Variants in CRKL observed in about 807,000 individuals in gnomAD.
CRKL encodes CRK like proto-oncogene, adaptor protein, also known as crk-like protein.
Under a neutral mutation model 23.0 loss-of-function variants are expected in CRKL, and 3 were observed. The ratio of observed to expected loss-of-function variants is 0.13; its 90% CI spans 0.06 to 0.34. The LOEUF is 0.34. Among genes scored for constraint, CRKL ranks in the 10% least tolerant of loss-of-function variants. CRKL has a pLI of 1.00. For synonymous variants in CRKL, 188 were observed against 160.7 expected, an observed-to-expected ratio of 1.17 and a Z score of -1.28; for missense variants, 256 against 394.5, an observed-to-expected ratio of 0.65 and a Z score of 2.97.
intron 2 of CRKL, among the ~76,000 whole-genome samples, chr22:20,939,796 T>G (rs1036313894): frequency 7.3e-5 from 11 of 151,592 alleles, no homozygotes; most frequent in African/African-American, 2.7e-4. Context: ...ATCCTTTTTT[T>G]TTTTTTTTTG....
In CRKL at chr22:20,930,709, T is replaced by G. The variant is rs1194081603; in HGVS notation, c.312-3070T>G. ...TTTTTTTTTTTTTTTTTTTTTTTTTTGAGATAGAGTCTTAACTGTTTCAGG... is the reference window on the plus strand; with the variant it reads ...TTTTTTTTTTTTTTTTTTTTTTTTTGGAGATAGAGTCTTAACTGTTTCAGG... On this transcript the variant is annotated intron_variant, in intron 1 of 2. Coordinates refer to ENST00000354336, the MANE Select transcript of CRKL (RefSeq NM_005207.4). 1.1e-4 allele frequency among the ~76,000 whole-genome samples: 8 copies of G among 75,030 alleles called. No homozygotes were observed. In the South Asian group the frequency reaches 3.3e-3, roughly 31 times the overall value. 49.2% of individuals were successfully genotyped at this position (75,030 alleles called of 152,430 possible). A position where few individuals can be genotyped will look rare whatever the true frequency, so the allele number is the denominator to read the frequency against.
chr22:20,941,360 T>G lies in CRKL; in HGVS notation c.777+7116T>G, dbSNP rs549773776. ...TCCTCCACCCTTCTGTCTTTGACAT[T>G]GTGTCAGTTGTCCTTCACAGCATCT... On this transcript the variant is annotated intron_variant, in intron 2 of 2. Transcript: ENST00000354336. Among the ~76,000 whole-genome samples, 6 of 151,978 alleles carry G rather than the reference T, an allele frequency of 3.9e-5. No homozygotes were observed. In the East Asian group the frequency reaches 1.2e-3, roughly 29 times the overall value.
intron 2 of CRKL, among the ~76,000 whole-genome samples, chr22:20,941,842 C>T (rs996922437): frequency 6.6e-6 from 1 of 151,470 alleles, no homozygotes; most frequent in Non-Finnish European, 1.5e-5. Context: ...GCCACTGCAC[C>T]CGGCCCAGAA....
In CRKL at chr22:20,924,819, G is replaced by A. The variant is rs1297838888; in HGVS notation, c.311+6574G>A. ...CGTGCAGCTGGACTCCATCCTGGGC[G>A]ACAGAGTGAGACTCTCTCCAAAAAA... On this transcript the variant is annotated intron_variant, in intron 1 of 2. Transcript: ENST00000354336. Among the ~76,000 whole-genome samples, 8 of 152,142 alleles carry A rather than the reference G, an allele frequency of 5.3e-5. No homozygotes were observed. The East Asian group carries it at 1.2e-3, about 22-fold the overall frequency.
intron 2 of CRKL, among the ~76,000 whole-genome samples, chr22:20,941,588 A>ATTTATATT (rs1921884464): frequency 3.0e-5 from 1 of 33,554 alleles, no homozygotes; most frequent in Non-Finnish European, 5.0e-5. Flanking sequence ...GTATATATAT[A>ATTTATATT]TTTTTTTTTT....
intron 1 of CRKL, among the ~76,000 whole-genome samples, chr22:20,921,707 C>T (rs1359118438): frequency 6.6e-6 from 1 of 151,314 alleles, no homozygotes. Flanking sequence ...TCTTTTCTTT[C>T]TTTCTTTTTT....
chr22:20,929,359 GT>G (rs989447631), intron 1 of CRKL, among the ~76,000 whole-genome samples: 11 of 151,736 alleles, frequency 7.2e-5, no homozygotes, highest in African/African-American at 2.7e-4. Flanking sequence ...TAGAGATGGG[GT>G]TTCACTGTGT....
chr22:20,929,126 G>A (rs909590867), intron 1 of CRKL, among the ~76,000 whole-genome samples: 3 of 152,178 alleles, frequency 2.0e-5, no homozygotes, highest in African/African-American at 7.2e-5. Flanking sequence ...AAGGGTGTTT[G>A]GATGGGCTTG....
chr22:20,953,265 C>T lies in CRKL; in HGVS notation c.*3420C>T, dbSNP rs1017569370. 1.5e-4 allele frequency: 34 copies of T among 230,908 alleles called. No individual in the cohort carries two copies. The East Asian group carries it at 1.7e-3, about 11-fold the overall frequency. 14.3% of individuals were successfully genotyped at this position (230,908 alleles called of 1,614,324 possible). On this transcript the variant is annotated 3_prime_UTR_variant, in exon 3 of 3. Transcript: ENST00000354336. The stretch of plus-strand genomic sequence containing the variant: ...AGCTCTGCCTCAACTCCACCCTCTG[C>T]GACCGGAGGACTATGCCCCTAGTAA...
intron 2 of CRKL, among the ~76,000 whole-genome samples, chr22:20,947,675 C>CTTTTTTTTTTTTTTTTTTTTTTTTTTTTT (rs1491297940): frequency 1.2e-5 from 1 of 86,012 alleles, no homozygotes; most frequent in African/African-American, 4.6e-5. Context: ...TTCTTTTTTT[C>CTTTTTTTTTTTTTTTTTTTTTTTTTTTTT]ATTTTTTTTT....
Position 20,944,234 on chromosome 22 carries a change from C to T in CRKL, c.778-5477C>T, listed in dbSNP as rs151144459. Among the ~76,000 whole-genome samples the T allele has an allele frequency of 4.4e-4, 66 of 150,542 alleles. No individual in the cohort carries two copies. In the East Asian group the frequency reaches 0.012, roughly 27 times the overall value. ...AAACTCCTGGGCTCAAGTGATCCTC[C>T]TGTCTCAGCCTCCCAAAGTGCTGGC... On this transcript the variant is annotated intron_variant, in intron 2 of 2. Transcript: ENST00000354336.
chr22:20,927,513 C>CTT lies in CRKL; in HGVS notation c.312-6250_312-6249dup, dbSNP rs1555919011. ...GCCCAGCTGGAATTAAGTTTTCTAC[C>CTT]TTTTTTTTTTTTTTTTTAACTGTGA... On this transcript the variant is annotated intron_variant, in intron 1 of 2. Transcript: ENST00000354336. 7.9e-5 allele frequency among the ~76,000 whole-genome samples: 11 copies of CTT among 139,898 alleles called. No homozygotes were observed. In the South Asian group the frequency reaches 1.1e-3, roughly 14 times the overall value. The allele number at this position is 139,898 out of a possible 152,430, so 91.8% of individuals were successfully genotyped here. A position where few individuals can be genotyped will look rare whatever the true frequency, so the allele number is the denominator to read the frequency against.
chr22:20,917,923 C>T lies in CRKL; in HGVS notation c.-12C>T, dbSNP rs993552849. On this transcript the variant is annotated 5_prime_UTR_variant, in exon 1 of 3. Transcript: ENST00000354336. ...GCCGCCCCTACCGCCGCAGAGTCCC[C>T]GGTCCAACACCATGTCCTCCGCCAG... 6 of 1,609,652 alleles carry T rather than the reference C, an allele frequency of 3.7e-6. No homozygotes were observed. The highest frequency in any genetic ancestry group is 5.1e-6 in the Non-Finnish European group (6 of 1,177,952).
chr22:20,935,861 A>G (rs1476253220), intron 2 of CRKL, among the ~76,000 whole-genome samples: 2 of 152,136 alleles, frequency 1.3e-5, no homozygotes, highest in African/African-American at 2.4e-5. Flanking sequence ...CTTTTTAAAA[A>G]AACTCTTTCT....
At chr22:20,921,711 CTTTT>C (rs1373203423) in intron 1 of CRKL, among the ~76,000 whole-genome samples, 1 of 151,180 alleles carries the variant, frequency 6.6e-6, no homozygotes. Flanking sequence ...TTCTTTCTTT[CTTTT>C]TTCTTTTTTT....
rs1378084235 is a variant in CRKL, at chr22:20,917,944, G to T, written c.10G>T (p.Ala4Ser). MSS[A>S]RFDSSDRSAW... ...TCCCCGGTCCAACACCATGTCCTCC[G>T]CCAGGTTCGACTCCTCGGACCGCTC... Residue 4 changes from alanine (A) to serine (S), a missense_variant, in exon 1 of 3, where the codon GCC (alanine) becomes TCC (serine). Physicochemically the swap from Ala to Ser is moderately conservative, Grantham distance 99. Around this residue, in one of 3 missense-constraint regions of CRKL, gnomAD observed 85 missense variants for 139.8 expected, o/e 0.61. Coordinates refer to ENST00000354336, the MANE Select transcript of CRKL (RefSeq NM_005207.4). 6.2e-7 allele frequency: 1 copy of T among 1,613,550 alleles called. No homozygotes were observed. The highest frequency in any genetic ancestry group is 8.5e-7 in the Non-Finnish European group (1 of 1,179,878).
intron 1 of CRKL, among the ~76,000 whole-genome samples, chr22:20,922,935 A>T (rs1921044921): frequency 6.6e-6 from 1 of 152,146 alleles, no homozygotes; most frequent in East Asian, 1.9e-4. Flanking sequence ...GGCCTCCCAA[A>T]GTGCTGGGAT....
chr22:20,950,092 G>A lies in CRKL; in HGVS notation c.*247G>A. The A allele has an allele frequency of 4.2e-6, 2 of 476,556 alleles. No individual in the cohort carries two copies. Among genetic ancestry groups the A allele is most frequent in the South Asian group, 3.2e-5 (1 of 31,214 alleles). 29.5% of individuals were successfully genotyped at this position (476,556 alleles called of 1,614,324 possible). The stretch of plus-strand genomic sequence containing the variant: ...TGGATCATAAACTGGAAATACTGAT[G>A]GAAGCACACAAGTGGAGAGAAGTTG... On this transcript the variant is annotated 3_prime_UTR_variant, in exon 3 of 3. Coordinates refer to ENST00000354336, the MANE Select transcript of CRKL (RefSeq NM_005207.4).
At chr22:20,939,678 T>TGTGG (rs1260273187) in intron 2 of CRKL, among the ~76,000 whole-genome samples, 1 of 60,766 alleles carries the variant, frequency 1.6e-5, no homozygotes, top group East Asian at 1.2e-3. Flanking sequence ...TAGCCCAGTG[T>TGTGG]GTGGACTTAA....
Sources: gnomAD v4.1 joint callset for allele counts (sites outside exome capture counted in the v4.1 genomes callset) on GRCh38, gnomAD v4.1.1 for gene constraint, gnomAD v4.1.1 regional missense constraint, MANE v1.5 for transcripts, NCBI Gene and HGNC (gene_info 2026-07-23, HGNC 2026-07-21) for gene names.